Variants in CCDC146 observed in about 807,000 individuals in gnomAD.
CCDC146 encodes coiled-coil domain containing 146.
A neutral mutation model predicts 119.3 loss-of-function variants in CCDC146; 92 were observed. The ratio of observed to expected loss-of-function variants is 0.77; its 90% CI spans 0.65 to 0.92. The LOEUF is 0.92. CCDC146 is among the 40% of genes least tolerant of loss of function. The pLI, the probability that CCDC146 is intolerant of heterozygous loss-of-function variation, is 0.00. For missense variants in CCDC146, 1,000 were observed against 1,103.0 expected (o/e 0.91, Z 1.32); for synonymous variants, 372 against 371.8 (o/e 1.00, Z -0.01).
intron 1 of CCDC146, among the ~76,000 whole-genome samples, chr7:77,161,041 C>G (rs1791253334): frequency 6.6e-6 from 1 of 152,342 alleles, no homozygotes; most frequent in South Asian, 2.1e-4. Context: ...AAAAAATGCT[C>G]TCCATCACTG....
At chr7:77,223,618 T>C (rs1792447880) in intron 2 of CCDC146, among the ~76,000 whole-genome samples, 1 of 152,284 alleles carries the variant, frequency 6.6e-6, no homozygotes, top group Non-Finnish European at 1.5e-5. Flanking sequence ...TACCTTGCTC[T>C]GCTCCATCTC....
At chr7:77,148,442 A>C (rs1791057498) in intron 1 of CCDC146, among the ~76,000 whole-genome samples, 1 of 152,068 alleles carries the variant, frequency 6.6e-6, no homozygotes, top group South Asian at 2.1e-4. Context: ...AACGAGCCCC[A>C]GTGAGATGAA....
intron 4 of CCDC146, among the ~76,000 whole-genome samples, chr7:77,244,902 G>A (rs932330154): frequency 1.3e-5 from 2 of 152,156 alleles, no homozygotes; most frequent in Non-Finnish European, 2.9e-5. Flanking sequence ...GATGATATTT[G>A]TCAGACCAGC....
In CCDC146 at chr7:77,167,839, A is replaced by C. The variant is rs745832302; in HGVS notation, c.156+15A>C. On this transcript the variant is annotated intron_variant, in intron 2 of 18. Coordinates refer to ENST00000285871, the MANE Select transcript of CCDC146 (RefSeq NM_020879.3). ...TTCTGCATGAGGTATATTTTTCTTT[A>C]TATGTTACTACAGTAAAACCCAACT... 1 of 1,610,664 alleles carries C rather than the reference A, an allele frequency of 6.2e-7. No homozygotes were observed.
rs201581981 is a variant in CCDC146 at position 77,269,927 on chromosome 7, A to AT, written c.1174-3761dup. ...CCAGGCACTCCCAGCCCAAGTGAAC[A>AT]TTTTTTCAGACTTGCATGCAATCCA... On this transcript the variant is annotated intron_variant, in intron 9 of 18. Transcript: ENST00000285871. Among the ~76,000 whole-genome samples, 95 of 152,280 alleles carry AT rather than the reference A, an allele frequency of 6.2e-4. 2 individuals are homozygous for AT. The East Asian group carries it at 0.014, about 23-fold the overall frequency.
chr7:77,220,754 A>G (rs1792389013), intron 2 of CCDC146, among the ~76,000 whole-genome samples: 1 of 152,160 alleles, frequency 6.6e-6, no homozygotes, highest in Non-Finnish European at 1.5e-5. Context: ...AATCTCTTTG[A>G]TACTTAAATT....
chr7:77,142,081 C>G (rs1339146836), intron 1 of CCDC146, among the ~76,000 whole-genome samples: 1 of 152,016 alleles, frequency 6.6e-6, no homozygotes, highest in Non-Finnish European at 1.5e-5. Context: ...ATAATAAGAG[C>G]TATTTATGAC....
rs569342157 is a variant in CCDC146, at chr7:77,245,747, G to A, written c.449+3847G>A. Among the ~76,000 whole-genome samples the A allele has an allele frequency of 3.9e-4, 59 of 152,238 alleles. 3 individuals carry two copies. In the East Asian group the frequency reaches 0.011, roughly 29 times the overall value. On this transcript the variant is annotated intron_variant, in intron 4 of 18. Transcript: ENST00000285871. ...CAACAGATCTGGTAACAAAGGAAAG[G>A]AGGAATGATCTTAGCAACACATCTG... is the stretch of plus-strand genomic sequence containing the variant.
At chr7:77,243,337 A>T (rs1384663604) in intron 4 of CCDC146, among the ~76,000 whole-genome samples, 1 of 152,246 alleles carries the variant, frequency 6.6e-6, no homozygotes, top group African/African-American at 2.4e-5. Flanking sequence ...ATTTGCAGAA[A>T]TGTTTAGTGT....
intron 2 of CCDC146, chr7:77,199,801 G>A (rs1399462164): frequency 6.2e-7 from 1 of 1,611,754 alleles, no homozygotes; most frequent in East Asian, 2.2e-5. Flanking sequence ...CATCTTTACA[G>A]TGCTGCTCAC....
chr7:77,171,071 C>T (rs1356966517), intron 2 of CCDC146, among the ~76,000 whole-genome samples: 1 of 152,130 alleles, frequency 6.6e-6, no homozygotes, highest in Admixed American at 6.6e-5. Context: ...TTCTACTTCT[C>T]CACCACTACC....
At chr7:77,189,177 C>T (rs368270017) in intron 2 of CCDC146, among the ~76,000 whole-genome samples, 1 of 152,102 alleles carries the variant, frequency 6.6e-6, no homozygotes, top group South Asian at 2.1e-4. Context: ...GCCTCCCACC[C>T]CACTCCATTC....
At chr7:77,221,382 G>A (rs1055797811) in intron 2 of CCDC146, among the ~76,000 whole-genome samples, 2 of 152,190 alleles carry the variant, frequency 1.3e-5, no homozygotes, top group Non-Finnish European at 2.9e-5. Flanking sequence ...CAGTCAACCA[G>A]TCCATATGAC....
At chr7:77,190,124 C>T (rs560470146) in intron 2 of CCDC146, among the ~76,000 whole-genome samples, 16 of 152,240 alleles carry the variant, frequency 1.1e-4, no homozygotes, top group Admixed American at 7.8e-4. Flanking sequence ...CTAACTTTAC[C>T]CCAGCATTTC....
chr7:77,199,902 T>C (rs367718439), intron 2 of CCDC146: 1 of 1,341,998 alleles, frequency 7.5e-7, no homozygotes, highest in East Asian at 2.3e-5. Context: ...GGTGGGAGCG[T>C]TTGCATCACA....
At position 77,181,324 on chromosome 7, in the gene CCDC146, G is replaced by A. The variant is rs115969289; in HGVS notation, c.156+13500G>A. 2.8e-3 allele frequency among the ~76,000 whole-genome samples: 427 copies of A among 152,288 alleles called. 2 individuals are homozygous for A. The highest frequency in any genetic ancestry group is 9.9e-3 in the African/African-American group (410 of 41,576). ...CATAAGGTCTGTCCCTAGTTGTCTG[G>A]AACCTGGCAGTGGGGTGATAAAGGT... On this transcript the variant is annotated intron_variant, in intron 2 of 18. Transcript: ENST00000285871.
At chr7:77,218,049 A>G (rs1792331909) in intron 2 of CCDC146, among the ~76,000 whole-genome samples, 1 of 152,126 alleles carries the variant, frequency 6.6e-6, no homozygotes, top group South Asian at 2.1e-4. Context: ...TGTTTACACC[A>G]ACATCGCTAC....
chr7:77,260,310 TCA>T (rs994025528), intron 8 of CCDC146, 74 bp downstream of exon 8: 17 of 1,068,122 alleles, frequency 1.6e-5, no homozygotes, highest in Admixed American at 1.1e-4. Context: ...ATTCAAAATC[TCA>T]CTTTGGTGTT....
At chr7:77,241,226 T>TCAA (rs1364709910) in intron 3 of CCDC146, among the ~76,000 whole-genome samples, 263 of 94,068 alleles carry the variant, frequency 2.8e-3, no homozygotes, top group Admixed American at 3.8e-3. Context: ...CCCAGCTAAT[T>TCAA]TTTTGTATTT....
Sources: gnomAD v4.1 joint callset for allele counts (sites outside exome capture counted in the v4.1 genomes callset) on GRCh38, gnomAD v4.1.1 for gene constraint, MANE v1.5 for transcripts, NCBI Gene and HGNC (gene_info 2026-07-23, HGNC 2026-07-21) for gene names.